Variants in MDGA1 observed in about 807,000 individuals in gnomAD.
The protein encoded by MDGA1 is MAM domain containing glycosylphosphatidylinositol anchor 1, also known as MAM domain-containing glycosylphosphatidylinositol anchor protein 1.
A neutral mutation model predicts 101.5 loss-of-function variants in MDGA1; 54 were observed. The ratio of observed to expected loss-of-function variants is 0.53; its 90% CI spans 0.43 to 0.67. The LOEUF (loss-of-function observed/expected upper bound fraction) is 0.67, where lower values mean the gene tolerates loss of function less well. Ranked by LOEUF, MDGA1 falls within the 30% of genes least tolerant of loss-of-function variation. MDGA1 has a pLI of 0.00. For synonymous variants in MDGA1, 533 were observed against 558.3 expected (o/e 0.95, Z 0.64); for missense variants, 1,083 against 1,323.8 (o/e 0.82, Z 2.82).
intron 1 of MDGA1, among the ~76,000 whole-genome samples, chr6:37,690,545 G>A (rs4714098): frequency 0.53 from 79,744 of 151,238 alleles, 22,676 homozygotes; most frequent in African/African-American, 0.76. Flanking sequence ...TTGGGAGGCT[G>A]AGGCAGGCAG....
rs887502051 is a variant in MDGA1, at chr6:37,643,731, C to G, written c.2536+78G>C. On this transcript the variant is annotated intron_variant, in intron 14 of 16. Coordinates refer to ENST00000434837, the MANE Select transcript of MDGA1 (RefSeq NM_153487.4). ...AGCTGAGGCCTCACATGGGCCAGCC[C>G]ATCGCCTCCTGTGGACCCCACTCCC... is the stretch of plus-strand genomic sequence containing the variant. 3.2e-6 allele frequency: 5 copies of G among 1,578,932 alleles called. No individual in the cohort carries two copies. In the African/African-American group the frequency reaches 5.4e-5, roughly 17 times the overall value.
intron 1 of MDGA1, among the ~76,000 whole-genome samples, chr6:37,669,275 C>T (rs1445088055): frequency 6.6e-6 from 1 of 152,178 alleles, no homozygotes; most frequent in Non-Finnish European, 1.5e-5. Flanking sequence ...CTTTGGACTT[C>T]ACCATATTAT....
Position 37,655,887 on chromosome 6 carries a change from T to A in MDGA1, c.392A>T (p.Glu131Val). The stretch of plus-strand genomic sequence containing the variant: ...CGTCTGGTGCACCGTCAGCATTGGC[T>A]CATCCAGGTCTGCAAGGGCACAGCC... ...SIRVDVQYLDEPMLTVHQTVS... is the reference protein window; with the variant it reads ...SIRVDVQYLDVPMLTVHQTVS... The change falls in exon 4 of 17, where the codon GAG (glutamate) becomes GTG (valine). Residue 131 changes from glutamate to valine, a missense_variant. Physicochemically the swap from Glu to Val is moderately radical, Grantham distance 121 (BLOSUM62 -2). Around this residue, in one of 3 missense-constraint regions of MDGA1, gnomAD observed 310 missense variants for 355.9 expected, o/e 0.87. Transcript: ENST00000434837. This position sits in a 1 kb window ranked among gnomAD's most constrained non-coding sequence, Gnocchi z 5.1. 1 of 1,612,190 alleles carries A rather than the reference T, an allele frequency of 6.2e-7. No individual in the cohort carries two copies. Among genetic ancestry groups the A allele is most frequent in the Non-Finnish European group, 8.5e-7 (1 of 1,179,080 alleles).
rs751869925 is a variant in MDGA1 at position 37,652,305 on chromosome 6, C to T, written c.1018G>A (p.Val340Met). ...TGGATGTTCTCACTCTCTTTGATCA[C>T]GTCAGGAGTGATCTGGAATGTAGCG... ...KNATFQITPD[V>M]IKESENIQLG... The change falls in exon 7 of 17, where the codon GTG becomes ATG. Residue 340 changes from valine (V) to methionine (M), a missense_variant. Val to Met is a conservative substitution (Grantham distance 21). Transcript: ENST00000434837. This position sits in a 1 kb window ranked among gnomAD's most constrained non-coding sequence, Gnocchi z 4.3. 25 of 1,613,524 alleles carry T rather than the reference C, an allele frequency of 1.5e-5. No homozygotes were observed. The highest frequency in any genetic ancestry group is 1.6e-4 in the Middle Eastern group (1 of 6,082).
chr6:37,661,453 G>C (rs1044289895), intron 2 of MDGA1, among the ~76,000 whole-genome samples: 1 of 152,188 alleles, frequency 6.6e-6, no homozygotes, highest in African/African-American at 2.4e-5. Context: ...TTCTCTAGTA[G>C]TCTGGATGCT....
At chr6:37,686,089 C>T (rs1384752830) in intron 1 of MDGA1, among the ~76,000 whole-genome samples, 1 of 152,160 alleles carries the variant, frequency 6.6e-6, no homozygotes, top group African/African-American at 2.4e-5. Context: ...TGGGAATGTG[C>T]CCATCTAAAA....
intron 1 of MDGA1, among the ~76,000 whole-genome samples, chr6:37,686,268 G>C (rs1164912129): frequency 6.6e-6 from 1 of 152,030 alleles, no homozygotes; most frequent in Non-Finnish European, 1.5e-5. Context: ...CATGATGGCT[G>C]AGCCCCATCA....
At chr6:37,685,914 T>G (rs1581630635) in intron 1 of MDGA1, among the ~76,000 whole-genome samples, 1 of 152,074 alleles carries the variant, frequency 6.6e-6, no homozygotes, top group African/African-American at 2.4e-5. Context: ...GCTGGCAGAG[T>G]GGGGTGAGTG....
intron 1 of MDGA1, among the ~76,000 whole-genome samples, chr6:37,690,389 A>C (rs1762284104): frequency 6.6e-6 from 1 of 152,276 alleles, no homozygotes. Context: ...CACTTGGACA[A>C]GGGACTGATA....
intron 1 of MDGA1, among the ~76,000 whole-genome samples, chr6:37,688,581 T>C (rs568798768): frequency 2.0e-5 from 3 of 152,308 alleles, no homozygotes; most frequent in East Asian, 3.9e-4. Context: ...GGAGCTGCTA[T>C]TCCAGCCTCC....
At chr6:37,678,023 G>A (rs1175062072) in intron 1 of MDGA1, among the ~76,000 whole-genome samples, 3 of 152,188 alleles carry the variant, frequency 2.0e-5, no homozygotes, top group Non-Finnish European at 4.4e-5. Context: ...TTCTACCCAG[G>A]AGACCACAGG....
intron 2 of MDGA1, among the ~76,000 whole-genome samples, chr6:37,662,770 C>T (rs1265237754): frequency 2.0e-5 from 3 of 152,156 alleles, no homozygotes; most frequent in Non-Finnish European, 2.9e-5. Flanking sequence ...TAGAAAACCA[C>T]GTACACATAC....
chr6:37,655,765 C>G lies in MDGA1; in HGVS notation c.514G>C (p.Gly172Arg). Residue 172 changes from glycine to arginine, a missense_variant, in exon 4 of 17, where the codon GGT (glycine) becomes CGT (arginine). Transcript: ENST00000434837. The surrounding 1 kb of genome is among the most constrained non-coding windows in gnomAD (Gnocchi z 5.1). ...NPPARFIWKR[G>R]SDTLSHSQDN... is the part of the protein sequence containing the mutation. ...TGGCTGTGGGATAGGGTATCGGAAC[C>G]CCGCTTCCAGATGAAGCGGGCAGGC... 6.2e-7 allele frequency: 1 copy of G among 1,613,368 alleles called. No individual in the cohort carries two copies. The highest frequency in any genetic ancestry group is 1.7e-5 in the Admixed American group (1 of 59,946).
At chr6:37,693,625 G>C (rs1762359043) in intron 1 of MDGA1, among the ~76,000 whole-genome samples, 1 of 152,236 alleles carries the variant, frequency 6.6e-6, no homozygotes, top group Non-Finnish European at 1.5e-5. Flanking sequence ...AGAAGGCGGG[G>C]TGTTCCCTGA....
In MDGA1 at chr6:37,654,955, G is replaced by C. The variant is rs370736300; in HGVS notation, c.580-23C>G. The C allele has an allele frequency of 3.0e-4, 488 of 1,611,686 alleles. 6 individuals carry two copies. The South Asian group carries it at 5.0e-3, about 17-fold the overall frequency. On this transcript the variant is annotated intron_variant, in intron 4 of 16. Coordinates refer to ENST00000434837, the MANE Select transcript of MDGA1 (RefSeq NM_153487.4). Reference sequence around the variant, plus strand: ...CCCCTGGGCAGCAGTGGACCACTGGGGTGAGGTGCCTGCTTGAGTCTCCAG... The same window carrying C: ...CCCCTGGGCAGCAGTGGACCACTGGCGTGAGGTGCCTGCTTGAGTCTCCAG...
At chr6:37,662,596 A>C (rs1459941516) in intron 2 of MDGA1, among the ~76,000 whole-genome samples, 1 of 150,808 alleles carries the variant, frequency 6.6e-6, no homozygotes, top group African/African-American at 2.4e-5. Context: ...TGATCACACC[A>C]CTGCACTCAG....
At chr6:37,642,751 C>A (rs981664502) in intron 14 of MDGA1, among the ~76,000 whole-genome samples, 16 of 152,194 alleles carry the variant, frequency 1.1e-4, no homozygotes, top group African/African-American at 3.9e-4. Context: ...CCCTGTCCTT[C>A]CACTGCCACA....
chr6:37,652,070 G>C lies in MDGA1; in HGVS notation c.1253C>G (p.Ser418Cys), dbSNP rs1245915082. The C allele has an allele frequency of 5.0e-6, 8 of 1,612,586 alleles. No individual in the cohort carries two copies. The highest frequency in any genetic ancestry group is 6.8e-6 in the Non-Finnish European group (8 of 1,179,536). The change falls in exon 7 of 17, where the codon TCT becomes TGT. Residue 418 changes from serine (S) to cysteine (C), a missense_variant. Around this residue, in one of 3 missense-constraint regions of MDGA1, gnomAD observed 657 missense variants for 771.4 expected, o/e 0.85. Transcript: ENST00000434837. The surrounding 1 kb of genome is among the most constrained non-coding windows in gnomAD (Gnocchi z 4.3). ...SDYGTYLCMA[S>C]FPGAPVPDLS... ...GTCGGGCACGGGTGCCCCTGGGAAA[G>C]AAGCCATGCACAGGTAGGTGCCATA...
intron 3 of MDGA1, 143 bp downstream of exon 3, chr6:37,658,102 C>G: frequency 1.1e-6 from 1 of 904,734 alleles, no homozygotes; most frequent in Non-Finnish European, 1.6e-6. Context: ...GTACACACCG[C>G]CTGGTACCTC....
Sources: gnomAD v4.1 joint callset for allele counts (sites outside exome capture counted in the v4.1 genomes callset) on GRCh38, gnomAD v4.1.1 for gene constraint, gnomAD v4.1.1 regional missense constraint, Gnocchi (gnomAD v3.1) non-coding constraint, MANE v1.5 for transcripts, NCBI Gene and HGNC (gene_info 2026-07-23, HGNC 2026-07-21) for gene names.